The following WDR7 variants were observed in gnomAD, a reference collection of about 807,000 sequenced individuals.
The protein encoded by WDR7 is WD repeat-containing protein 7.
A neutral mutation model predicts 169.4 loss-of-function variants in WDR7; 46 were observed. The observed-to-expected ratio is 0.27, with a 90% CI of 0.21 to 0.35. The LOEUF (loss-of-function observed/expected upper bound fraction) is 0.35, where lower values mean the gene tolerates loss of function less well. Ranked by LOEUF, WDR7 falls within the 10% of genes least tolerant of loss-of-function variation. The pLI is 1.00. For missense variants in WDR7, 1,534 were observed against 1,859.3 expected, an observed-to-expected ratio of 0.83 and a Z score of 3.22; for synonymous variants, 612 against 666.8, an observed-to-expected ratio of 0.92 and a Z score of 1.27.
At chr18:56,867,735 A>G (rs1401279723) in intron 20 of WDR7, among the ~76,000 whole-genome samples, 1 of 152,176 alleles carries the variant, frequency 6.6e-6, no homozygotes, top group Non-Finnish European at 1.5e-5. Context: ...CATAGTTGTA[A>G]TACATGAATG....
chr18:56,895,058 C>A (rs2046312266), intron 21 of WDR7, among the ~76,000 whole-genome samples: 1 of 152,060 alleles, frequency 6.6e-6, no homozygotes, highest in Non-Finnish European at 1.5e-5. Context: ...AAAGCTACGT[C>A]ATCCTTAGTC....
At position 57,026,985 on chromosome 18, in the gene WDR7, T is replaced by G; in HGVS notation, c.4270-19T>G. ...GAGAGGGCTGTTCAAGTGACACATG[T>G]GCTCTCCTGTCCCTCCAGATGAACA... On this transcript the variant is annotated intron_variant, in intron 27 of 27. Transcript: ENST00000254442. 3 of 1,609,316 alleles carry G rather than the reference T, an allele frequency of 1.9e-6. No individual in the cohort carries two copies. The highest frequency in any genetic ancestry group is 2.5e-6 in the Non-Finnish European group (3 of 1,177,264).
intron 1 of WDR7, among the ~76,000 whole-genome samples, chr18:56,654,141 C>CA (rs1555673098): frequency 6.6e-6 from 1 of 151,536 alleles, no homozygotes; most frequent in Non-Finnish European, 1.5e-5. Flanking sequence ...CTGAGCATTT[C>CA]TTTTTTTTTC....
At chr18:56,700,600 C>T (rs1357732779) in intron 12 of WDR7, among the ~76,000 whole-genome samples, 7 of 111,954 alleles carry the variant, frequency 6.3e-5, no homozygotes, top group African/African-American at 7.2e-5. Context: ...GACGGAGTCT[C>T]GCTCTGTCGC....
At chr18:56,967,703 A>G (rs1171198685) in intron 26 of WDR7, among the ~76,000 whole-genome samples, 1 of 152,174 alleles carries the variant, frequency 6.6e-6, no homozygotes, top group Admixed American at 6.5e-5. Context: ...TTGTACAGTC[A>G]TCCTTGGGTG....
chr18:56,798,442 A>G (rs1051514963), intron 19 of WDR7, among the ~76,000 whole-genome samples: 11 of 152,186 alleles, frequency 7.2e-5, no homozygotes, highest in African/African-American at 2.7e-4. Flanking sequence ...GGTTGTCACC[A>G]CTAGGACAGA....
chr18:56,922,771 A>T (rs1214796951), intron 21 of WDR7, among the ~76,000 whole-genome samples: 1 of 152,184 alleles, frequency 6.6e-6, no homozygotes, highest in Non-Finnish European at 1.5e-5. Context: ...TCCTGGCTTT[A>T]CAATACTCTT....
intron 20 of WDR7, among the ~76,000 whole-genome samples, chr18:56,830,103 A>G (rs957621138): frequency 6.6e-6 from 1 of 152,210 alleles, no homozygotes. Context: ...ATTTGGGAGC[A>G]CTTAGAAGAA....
intron 3 of WDR7, among the ~76,000 whole-genome samples, chr18:56,680,886 C>T (rs1463005143): frequency 6.6e-6 from 1 of 152,128 alleles, no homozygotes; most frequent in Non-Finnish European, 1.5e-5. Flanking sequence ...TTGTTTTTGT[C>T]ACTTGTCCGT....
At chr18:56,665,606 G>T (rs919877217) in intron 1 of WDR7, among the ~76,000 whole-genome samples, 1 of 152,066 alleles carries the variant, frequency 6.6e-6, no homozygotes, top group African/African-American at 2.4e-5. Context: ...CCATTATAAA[G>T]CTCTATCATA....
chr18:56,903,713 C>T (rs1454452253), intron 21 of WDR7, among the ~76,000 whole-genome samples: 1 of 152,104 alleles, frequency 6.6e-6, no homozygotes, highest in African/African-American at 2.4e-5. Flanking sequence ...AGCCACCACA[C>T]CCAGCCATTT....
chr18:56,975,549 A>C (rs976640093), intron 26 of WDR7, among the ~76,000 whole-genome samples: 16 of 152,208 alleles, frequency 1.1e-4, no homozygotes, highest in African/African-American at 3.6e-4. Flanking sequence ...CAGCAGTGAC[A>C]AACACCAATG....
At position 56,686,854 on chromosome 18, in the gene WDR7, G is replaced by A; in HGVS notation, c.598-1G>A. ...AAATTTTTACAAATCTTTCTTTTCA[G>A]GATACTGAGCCAATATTTGAGGAGG... On this transcript the variant is annotated splice_acceptor_variant, in intron 6 of 27. Transcript: ENST00000254442. LOFTEE classifies it high-confidence loss of function. The A allele has an allele frequency of 6.3e-7, 1 of 1,589,296 alleles. No homozygotes were observed. The highest frequency in any genetic ancestry group is 1.1e-5 in the South Asian group (1 of 89,318).
intron 1 of WDR7, among the ~76,000 whole-genome samples, chr18:56,665,113 C>G (rs975838912): frequency 7.3e-5 from 11 of 151,688 alleles, no homozygotes; most frequent in African/African-American, 2.7e-4. Flanking sequence ...GCCAACATGG[C>G]AAAACCCCGT....
rs545566656 is a variant in WDR7 at position 56,995,167 on chromosome 18, C to T, written c.4165-25578C>T. Among the ~76,000 whole-genome samples, 22 of 152,172 alleles carry T rather than the reference C, an allele frequency of 1.4e-4. 1 individual carries two copies. Among genetic ancestry groups the T allele is most frequent in the African/African-American group, 2.4e-4 (10 of 41,514 alleles). On this transcript the variant is annotated intron_variant, in intron 26 of 27. Coordinates refer to ENST00000254442, the MANE Select transcript of WDR7 (RefSeq NM_015285.3). ...GGTTACTGGTGTGCTTAGTAACTGC[C>T]TATAGTTATAGGATAAATTAAGATA... is the stretch of plus-strand genomic sequence containing the variant.
chr18:56,776,967 C>A, intron 17 of WDR7, 87 bp downstream of exon 17: 1 of 1,246,792 alleles, frequency 8.0e-7, no homozygotes, highest in Non-Finnish European at 1.2e-6. Context: ...ACACATTCAT[C>A]TGCTTTGTTA....
At chr18:56,921,806 C>G (rs949626163) in intron 21 of WDR7, among the ~76,000 whole-genome samples, 1 of 152,178 alleles carries the variant, frequency 6.6e-6, no homozygotes, top group Non-Finnish European at 1.5e-5. Flanking sequence ...TATTTTCACT[C>G]TCAGGAAAAA....
At chr18:56,749,856 A>G (rs912747293) in intron 14 of WDR7, among the ~76,000 whole-genome samples, 1 of 151,856 alleles carries the variant, frequency 6.6e-6, no homozygotes, top group African/African-American at 2.4e-5. Flanking sequence ...GCTTTCAGGT[A>G]TTTCATCAGA....
At chr18:56,665,302 A>AT in intron 1 of WDR7, among the ~76,000 whole-genome samples, 1 of 93,726 alleles carries the variant, frequency 1.1e-5, no homozygotes, top group Middle Eastern at 5.1e-3. Flanking sequence ...TAAAAAAAAA[A>AT]AAAAAAGAAG....
Sources: gnomAD v4.1 joint callset for allele counts (sites outside exome capture counted in the v4.1 genomes callset) on GRCh38, gnomAD v4.1.1 for gene constraint, MANE v1.5 for transcripts, NCBI Gene and HGNC (gene_info 2026-07-23, HGNC 2026-07-21) for gene names.